Variants in CDK14 observed in about 807,000 individuals in gnomAD.
CDK14 encodes cyclin dependent kinase 14, also known as cyclin-dependent kinase 14.
Under a neutral mutation model 60.7 loss-of-function variants are expected in CDK14, and 34 were observed. The ratio of observed to expected loss-of-function variants is 0.56; its 90% CI spans 0.43 to 0.75. The LOEUF is 0.75. CDK14 is among the 30% of genes least tolerant of loss of function. The pLI, the probability that CDK14 is intolerant of heterozygous loss-of-function variation, is 0.00. For missense variants in CDK14, 482 were observed against 564.1 expected, an observed-to-expected ratio of 0.85 and a Z score of 1.47; for synonymous variants, 197 against 203.7, an observed-to-expected ratio of 0.97 and a Z score of 0.28.
chr7:90,807,414 T>A (rs1431359000), intron 5 of CDK14, among the ~76,000 whole-genome samples: 1 of 152,120 alleles, frequency 6.6e-6, no homozygotes, highest in East Asian at 1.9e-4. Context: ...TACTGAATGT[T>A]AGAAGGAAAA....
At chr7:90,917,535 A>C (rs1793117727) in intron 7 of CDK14, 66 bp from the exon 8 acceptor site, 2 of 1,520,062 alleles carry the variant, frequency 1.3e-6, no homozygotes, top group Non-Finnish European at 1.8e-6. Context: ...AGTACTTAGC[A>C]GACTGTATGT....
At chr7:91,049,072 G>A (rs1395469823) in intron 11 of CDK14, among the ~76,000 whole-genome samples, 2 of 151,542 alleles carry the variant, frequency 1.3e-5, no homozygotes, top group African/African-American at 4.9e-5. Flanking sequence ...TGTAGAGATA[G>A]GGGTCTTGCT....
At chr7:90,956,156 G>A (rs542293307) in intron 9 of CDK14, among the ~76,000 whole-genome samples, 2 of 152,290 alleles carry the variant, frequency 1.3e-5, no homozygotes, top group South Asian at 2.1e-4. Context: ...GATTGGAGTA[G>A]CAGGGAGTAT....
At chr7:90,832,454 T>A (rs1789944999) in intron 5 of CDK14, among the ~76,000 whole-genome samples, 1 of 152,218 alleles carries the variant, frequency 6.6e-6, no homozygotes, top group South Asian at 2.1e-4. Context: ...CTAAAGTAGC[T>A]TGTCATTTTC....
intron 5 of CDK14, among the ~76,000 whole-genome samples, chr7:90,793,958 A>G (rs1805938628): frequency 6.6e-6 from 1 of 152,128 alleles, no homozygotes; most frequent in Admixed American, 6.6e-5. Flanking sequence ...CTATCGGGGG[A>G]AACCAGCCCA....
At chr7:91,163,643 A>T (rs1408563399) in intron 14 of CDK14, among the ~76,000 whole-genome samples, 1 of 152,184 alleles carries the variant, frequency 6.6e-6, no homozygotes, top group East Asian at 1.9e-4. Context: ...TTACTTTGAA[A>T]TACATAATAC....
At chr7:91,072,336 C>CCAGCCTCCTCAAGTTCA (rs1246423002) in intron 11 of CDK14, among the ~76,000 whole-genome samples, 3 of 152,158 alleles carry the variant, frequency 2.0e-5, no homozygotes, top group African/African-American at 7.2e-5. Flanking sequence ...TTGCCGTTCT[C>CCAGCCTCCTCAAGTTCA]CAGCCTCCTC....
At chr7:90,659,283 CA>C (rs1325042949) in intron 2 of CDK14, among the ~76,000 whole-genome samples, 2 of 152,246 alleles carry the variant, frequency 1.3e-5, no homozygotes, top group South Asian at 2.1e-4. Context: ...TTAAAGATAT[CA>C]GGGGGAAAAT....
intron 11 of CDK14, among the ~76,000 whole-genome samples, chr7:91,058,658 TA>T (rs1463109245): frequency 6.6e-6 from 1 of 152,240 alleles, no homozygotes; most frequent in Non-Finnish European, 1.5e-5. Flanking sequence ...TCTATTGAGA[TA>T]ATCATGTGGT....
intron 10 of CDK14, among the ~76,000 whole-genome samples, chr7:91,031,923 G>A (rs967810937): frequency 6.6e-6 from 1 of 152,186 alleles, no homozygotes; most frequent in Non-Finnish European, 1.5e-5. Flanking sequence ...AGCTAGTGAG[G>A]TCACCCAGTT....
chr7:90,983,892 G>T (rs1030439232), intron 9 of CDK14, among the ~76,000 whole-genome samples: 1 of 152,152 alleles, frequency 6.6e-6, no homozygotes, highest in East Asian at 1.9e-4. Context: ...GGAGGCAAGG[G>T]TTAACAAACT....
chr7:91,006,653 C>G (rs1288234543), intron 10 of CDK14, among the ~76,000 whole-genome samples: 10 of 152,180 alleles, frequency 6.6e-5, no homozygotes, highest in Non-Finnish European at 7.3e-5. Flanking sequence ...AAAGTTATCT[C>G]CAACCTCACT....
chr7:90,864,023 C>T (rs1046228953), intron 6 of CDK14, among the ~76,000 whole-genome samples: 1 of 151,782 alleles, frequency 6.6e-6, no homozygotes, highest in Non-Finnish European at 1.5e-5. Flanking sequence ...GACATCGGTG[C>T]AGACATTTAT....
At chr7:91,051,765 C>T (rs1166114249) in intron 11 of CDK14, among the ~76,000 whole-genome samples, 1 of 152,174 alleles carries the variant, frequency 6.6e-6, no homozygotes, top group Non-Finnish European at 1.5e-5. Context: ...GCTATAAATT[C>T]CTCCTGGGAT....
intron 14 of CDK14, among the ~76,000 whole-genome samples, chr7:91,159,560 T>C (rs1801101310): frequency 6.6e-6 from 1 of 152,198 alleles, no homozygotes; most frequent in Admixed American, 6.5e-5. Flanking sequence ...TTATCTAAAG[T>C]GTTGGCCCAA....
rs539249659 is a variant in CDK14 at position 90,761,228 on chromosome 7, T to C, written c.464+13453T>C. On this transcript the variant is annotated intron_variant, in intron 4 of 14. Transcript: ENST00000380050. ...GTTTATTATCAGGTTCTTTGATCAT[T>C]TGGACAGGAGACGCTCAATACAATC... Among the ~76,000 whole-genome samples, 5 of 152,340 alleles carry C rather than the reference T, an allele frequency of 3.3e-5. No individual in the cohort carries two copies. The South Asian group carries it at 8.3e-4, about 25-fold the overall frequency.
At chr7:90,641,157 T>C (rs1800318777) in intron 2 of CDK14, among the ~76,000 whole-genome samples, 2 of 151,888 alleles carry the variant, frequency 1.3e-5, no homozygotes, top group South Asian at 4.2e-4. Context: ...AGGATGTGAA[T>C]AATTGGAACT....
intron 6 of CDK14, among the ~76,000 whole-genome samples, chr7:90,881,080 G>C (rs987118171): frequency 1.3e-5 from 2 of 152,198 alleles, no homozygotes; most frequent in Non-Finnish European, 2.9e-5. Flanking sequence ...AAAGAACTGG[G>C]TGGGGGAGCA....
chr7:91,165,904 A>T (rs1380494528), intron 14 of CDK14, among the ~76,000 whole-genome samples: 2 of 152,334 alleles, frequency 1.3e-5, no homozygotes, highest in East Asian at 3.9e-4. Flanking sequence ...GCTAAATTTT[A>T]TTCTGTTGCA....
Sources: gnomAD v4.1 joint callset for allele counts (sites outside exome capture counted in the v4.1 genomes callset) on GRCh38, gnomAD v4.1.1 for gene constraint, MANE v1.5 for transcripts, NCBI Gene and HGNC (gene_info 2026-07-23, HGNC 2026-07-21) for gene names.